CDK11B: variants seen among roughly 807,000 people sequenced by gnomAD.
CDK11B encodes the protein cyclin dependent kinase 11B, also known as cyclin-dependent kinase 11B.
Under a neutral mutation model 84.0 loss-of-function variants are expected in CDK11B, and 37 were observed. The observed-to-expected ratio is 0.44, with a 90% CI of 0.34 to 0.58. CDK11B has a LOEUF of 0.58. Ranked by LOEUF, CDK11B falls within the 20% of genes least tolerant of loss-of-function variation. CDK11B has a pLI of 0.02. For synonymous variants in CDK11B, 269 were observed against 309.8 expected, an observed-to-expected ratio of 0.87 and a Z score of 1.38; for missense variants, 427 against 834.0, an observed-to-expected ratio of 0.51 and a Z score of 6.01.
Position 1,639,966 on chromosome 1 carries a change from C to G in CDK11B, c.1251+311G>C, listed in dbSNP as rs1254772275. On this transcript the variant is annotated intron_variant, in intron 11 of 19. Transcript: ENST00000341832. ...CGCAGGGGTCAAGTGGAAGGCACTG[C>G]TCTCCAGTGCGGAGGAGGACGCAAC... Among the ~76,000 whole-genome samples, 92 of 151,680 alleles carry G rather than the reference C, an allele frequency of 6.1e-4. 1 individual carries two copies. The highest frequency in any genetic ancestry group is 2.2e-3 in the African/African-American group (90 of 41,464).
At position 1,636,918 on chromosome 1, in the gene CDK11B, T is replaced by C. The variant is rs770687047; in HGVS notation, c.1779A>G (p.Pro593=). The stretch of plus-strand genomic sequence containing the variant: ...TCACCTTGGCACCAAGCAGCAGCTC[T>C]GGGGCGCGGTACCACAGGGTCACCA... ...PVVVTLWYRA[P]ELLLGAKEYS... The change falls in exon 16 of 20, where the codon CCA becomes CCG. Residue 593 remains proline, a synonymous_variant. Coordinates refer to ENST00000341832, the MANE Select transcript of CDK11B (RefSeq NM_033486.3). The C allele has an allele frequency of 1.2e-6, 2 of 1,606,296 alleles. No individual in the cohort carries two copies. The highest frequency in any genetic ancestry group is 1.1e-5 in the South Asian group (1 of 90,400).
chr1:1,654,698 G>T (rs1251142785), intron 3 of CDK11B, among the ~76,000 whole-genome samples: 1 of 148,260 alleles, frequency 6.7e-6, no homozygotes, highest in Non-Finnish European at 1.5e-5. Context: ...TTGCTCTGTC[G>T]CCCAGGCTGG....
rs568598368 is a variant in CDK11B at position 1,648,390 on chromosome 1, C to T, written c.494+1109G>A. The stretch of plus-strand genomic sequence containing the variant: ...AGGCCAACTGAAACCTTGCTCACCC[C>T]GCAGCGGTCTCGGACCTTGACCCCT... On this transcript the variant is annotated intron_variant, in intron 5 of 19. Transcript: ENST00000341832. Among the ~76,000 whole-genome samples, 361 of 152,360 alleles carry T rather than the reference C, an allele frequency of 2.4e-3. 3 individuals are homozygous for T. The highest frequency in any genetic ancestry group is 7.7e-3 in the African/African-American group (320 of 41,572).
rs1409812261 is a variant in CDK11B, at chr1:1,640,332, G to A, written c.1196C>T (p.Ala399Val). Residue 399 changes from alanine (A) to valine (V), a missense_variant, in exon 11 of 20, where the codon GCC becomes GTC. Ala to Val is a moderately conservative substitution (Grantham distance 64). Transcript: ENST00000341832. ...CTGCTTGAGCTCGATGGGCGACAGG[G>A]CAGGGGAGTCGGGCACATAGTCGCC... is the stretch of plus-strand genomic sequence containing the variant. Reference protein sequence around the residue: ...TEGDYVPDSPALSPIELKQEL... With the variant: ...TEGDYVPDSPVLSPIELKQEL... 1 of 1,613,728 alleles carries A rather than the reference G, an allele frequency of 6.2e-7. No individual in the cohort carries two copies. The highest frequency in any genetic ancestry group is 1.3e-5 in the African/African-American group (1 of 75,070).
chr1:1,655,876 C>G (rs928006630), intron 2 of CDK11B, among the ~76,000 whole-genome samples: 1 of 151,558 alleles, frequency 6.6e-6, no homozygotes, highest in East Asian at 2.0e-4. Flanking sequence ...AGTTAGACTC[C>G]GTATCAGGGA....
At chr1:1,636,578 G>A in intron 17 of CDK11B, 97 bp from the exon 18 acceptor site, 1 of 1,575,574 alleles carries the variant, frequency 6.3e-7, no homozygotes, top group South Asian at 1.1e-5. Flanking sequence ...AGGGCTCTCA[G>A]TGGCCCTGGT....
At chr1:1,650,611 G>A (rs1167115654) in intron 4 of CDK11B, among the ~76,000 whole-genome samples, 10 of 149,466 alleles carry the variant, frequency 6.7e-5, no homozygotes, top group East Asian at 2.0e-4. Context: ...GTGATCTGCC[G>A]GCCTCGGCCT....
intron 2 of CDK11B, chr1:1,657,158 C>T: frequency 1.3e-6 from 2 of 1,566,148 alleles, no homozygotes; most frequent in Admixed American, 3.4e-5. Context: ...TCCATGTATG[C>T]TCAATCTAGA....
intron 5 of CDK11B, among the ~76,000 whole-genome samples, chr1:1,648,199 C>T (rs1378280306): frequency 8.5e-5 from 13 of 152,116 alleles, no homozygotes; most frequent in African/African-American, 3.1e-4. Context: ...ACAATTTTTG[C>T]TCATTCACTC....
Position 1,646,695 on chromosome 1 carries a change from C to T in CDK11B, c.495-1433G>A, listed in dbSNP as rs367563756. 1.9e-5 allele frequency: 10 copies of T among 519,858 alleles called. No homozygotes were observed. The East Asian group carries it at 3.8e-4, about 20-fold the overall frequency. The allele number at this position is 519,858 out of a possible 1,614,324, so 32.2% of individuals were successfully genotyped here. A position where few individuals can be genotyped will look rare whatever the true frequency, so the allele number is the denominator to read the frequency against. On this transcript the variant is annotated intron_variant, in intron 5 of 19. Transcript: ENST00000341832. ...TCTTCCTTTAGTATTTCCTTTAAGGCAGGTTTCGCCAACAATGAATCCCAC... is the reference window on the plus strand; with the variant it reads ...TCTTCCTTTAGTATTTCCTTTAAGGTAGGTTTCGCCAACAATGAATCCCAC...
At chr1:1,651,178 T>G (rs1316515733) in intron 4 of CDK11B, among the ~76,000 whole-genome samples, 2 of 152,238 alleles carry the variant, frequency 1.3e-5, no homozygotes, top group African/African-American at 2.4e-5. Flanking sequence ...CCAAACCCAT[T>G]CTTTGGACTT....
chr1:1,638,475 T>C (rs1254515868), intron 12 of CDK11B, 25 bp downstream of exon 12: 2 of 897,484 alleles, frequency 2.2e-6, no homozygotes, highest in African/African-American at 3.2e-5. Context: ...CCCCTGCCTT[T>C]GTGGGGTGAG....
intron 3 of CDK11B, among the ~76,000 whole-genome samples, chr1:1,653,063 A>G (rs1440470946): frequency 1.3e-5 from 2 of 149,154 alleles, no homozygotes; most frequent in African/African-American, 5.0e-5. Context: ...TCTGTTGCCC[A>G]GGCTGGAATG....
At position 1,640,342 on chromosome 1, in the gene CDK11B, C is replaced by G; in HGVS notation, c.1186G>C (p.Asp396His). The change falls in exon 11 of 20, where the codon GAC (aspartate) becomes CAC (histidine). Residue 396 changes from aspartate (D) to histidine (H), a missense_variant. Asp to His is a moderately conservative substitution (Grantham distance 81, BLOSUM62 -1). This residue lies in a region of CDK11B where 43 missense variants were observed against 61.8 expected (regional missense o/e 0.70). Coordinates refer to ENST00000341832, the MANE Select transcript of CDK11B (RefSeq NM_033486.3). Reference protein sequence around the residue: ...SALTEGDYVPDSPALSPIELK... With the variant: ...SALTEGDYVPHSPALSPIELK... Reference sequence around the variant, plus strand: ...TCGATGGGCGACAGGGCAGGGGAGTCGGGCACATAGTCGCCCTCTGTCAGG... The same window carrying G: ...TCGATGGGCGACAGGGCAGGGGAGTGGGGCACATAGTCGCCCTCTGTCAGG... 1 of 1,613,680 alleles carries G rather than the reference C, an allele frequency of 6.2e-7. No individual in the cohort carries two copies. The highest frequency in any genetic ancestry group is 1.1e-5 in the South Asian group (1 of 91,064).
At chr1:1,652,617 G>A in intron 3 of CDK11B, 51 bp from the exon 4 acceptor site, 2 of 1,314,986 alleles carry the variant, frequency 1.5e-6, no homozygotes, top group Non-Finnish European at 2.0e-6. Flanking sequence ...GTGCAAAGAA[G>A]CATCAGGCTA....
At position 1,656,251 on chromosome 1, in the gene CDK11B, C is replaced by G. The variant is rs142255586; in HGVS notation, c.112-767G>C. Among the ~76,000 whole-genome samples the G allele has an allele frequency of 1.2e-3, 186 of 152,252 alleles. 1 individual carries two copies. The highest frequency in any genetic ancestry group is 4.3e-3 in the African/African-American group (177 of 41,554). The stretch of plus-strand genomic sequence containing the variant: ...CCTGTAATCCCAGCACTTTGGGAGG[C>G]TGGGTGAGGCAGGTGAATCACCTGA... On this transcript the variant is annotated intron_variant, in intron 2 of 19. Transcript: ENST00000341832.
chr1:1,635,541 T>G lies in CDK11B; in HGVS notation c.*223A>C. 1 of 482,634 alleles carries G rather than the reference T, an allele frequency of 2.1e-6. No homozygotes were observed. Among genetic ancestry groups the G allele is most frequent in the South Asian group, 2.3e-5 (1 of 43,386 alleles). 29.9% of individuals were successfully genotyped at this position (482,634 alleles called of 1,614,324 possible). A position where few individuals can be genotyped will look rare whatever the true frequency, so the allele number is the denominator to read the frequency against. On this transcript the variant is annotated 3_prime_UTR_variant, in exon 20 of 20. Transcript: ENST00000341832. ...GCTGCCCCACGTGGGCACCCGAAGA[T>G]GTCCACCCTCTCCGCCCTGGGCAAG...
intron 4 of CDK11B, 104 bp from the exon 5 acceptor site, chr1:1,649,741 G>A: frequency 9.2e-7 from 1 of 1,088,812 alleles, no homozygotes; most frequent in Middle Eastern, 2.4e-4. Context: ...TTGGGAGGCT[G>A]AGGCGGGCGG....
Position 1,652,642 on chromosome 1 carries a change from C to A in CDK11B, c.228-76G>T. Reference sequence around the variant, plus strand: ...GCATCAGGCTATTATAAGGTTTCTTCAACCCAGAAAAATGCATGATTCAGA... The same window carrying A: ...GCATCAGGCTATTATAAGGTTTCTTAAACCCAGAAAAATGCATGATTCAGA... On this transcript the variant is annotated intron_variant, in intron 3 of 19. Coordinates refer to ENST00000341832, the MANE Select transcript of CDK11B (RefSeq NM_033486.3). 1.4e-5 allele frequency: 16 copies of A among 1,146,426 alleles called. No homozygotes were observed. In the South Asian group the frequency reaches 4.2e-4, roughly 30 times the overall value. The allele number at this position is 1,146,426 out of a possible 1,614,324, so 71.0% of individuals were successfully genotyped here.
Sources: gnomAD v4.1 joint callset for allele counts (sites outside exome capture counted in the v4.1 genomes callset) on GRCh38, gnomAD v4.1.1 for gene constraint, gnomAD v4.1.1 regional missense constraint, MANE v1.5 for transcripts, NCBI Gene and HGNC (gene_info 2026-07-23, HGNC 2026-07-21) for gene names.